Variants in F9 observed in about 807,000 individuals in gnomAD.
F9 encodes coagulation factor IX, also known as Christmas factor.
Under a neutral mutation model 34.1 loss-of-function variants are expected in F9, and 2 were observed. The observed-to-expected ratio is 0.06, with a 90% CI of 0.02 to 0.18. The LOEUF is 0.18. Among genes scored for constraint, F9 ranks in the 10% least tolerant of loss-of-function variants. F9 has a pLI of 1.00. For synonymous variants in F9, 137 were observed against 118.8 expected (o/e 1.15, Z -1.00); for missense variants, 216 against 345.1 (o/e 0.63, Z 2.96).
chrX:139,537,769 C>T lies in F9; in HGVS notation c.277+383C>T, dbSNP rs764109060. ...TCATTATCATGGCCCACAAGCCCTT[C>T]CATGATTGTCCTTCCCCACCCTCCC... On this transcript the variant is annotated intron_variant, in intron 3 of 7. Transcript: ENST00000218099. 1.1e-4 allele frequency among the ~76,000 whole-genome samples: 12 copies of T among 111,484 alleles called. No homozygotes were observed. In the East Asian group the frequency reaches 3.4e-3, roughly 32 times the overall value.
chrX:139,551,682 G>A (rs1927847296), intron 6 of F9, among the ~76,000 whole-genome samples: 1 of 111,017 alleles, frequency 9.0e-6, no homozygotes, highest in South Asian at 3.9e-4. Context: ...AAGGAGGAAG[G>A]ATTAAGGCAA....
chrX:139,537,425 CAT>C, intron 3 of F9, 39 bp downstream of exon 3: 1 of 1,087,346 alleles, frequency 9.2e-7, no homozygotes, highest in African/African-American at 1.8e-5. Context: ...ATATATGAAA[CAT>C]ATGAGAATTA....
intron 4 of F9, among the ~76,000 whole-genome samples, chrX:139,541,812 G>A (rs778728020): frequency 7.1e-5 from 8 of 111,918 alleles, no homozygotes; most frequent in Non-Finnish European, 1.5e-4. Context: ...ATGTTACATA[G>A]CAACCTTAGA....
intron 3 of F9, among the ~76,000 whole-genome samples, chrX:139,538,373 A>ATTTTGAGG (rs1927531298): frequency 8.9e-6 from 1 of 112,019 alleles, no homozygotes; most frequent in African/African-American, 3.2e-5. Context: ...ATTTTGAGGG[A>ATTTTGAGG]GGGTAAGTTT....
chrX:139,543,131 T>C (rs1486775164), intron 4 of F9, among the ~76,000 whole-genome samples: 1 of 109,707 alleles, frequency 9.1e-6, no homozygotes, highest in Non-Finnish European at 1.9e-5. Flanking sequence ...CCCAAGTCTT[T>C]TGTCTTATAA....
chrX:139,550,479 A>G (rs1927814618), intron 5 of F9, among the ~76,000 whole-genome samples: 1 of 112,164 alleles, frequency 8.9e-6, no homozygotes, highest in Admixed American at 9.5e-5. Context: ...AATGGTGGGC[A>G]GGTCCTGGTG....
At chrX:139,539,191 C>A (rs183956859) in intron 3 of F9, among the ~76,000 whole-genome samples, 8 of 111,829 alleles carry the variant, frequency 7.2e-5, no homozygotes, top group African/African-American at 2.6e-4. Flanking sequence ...TACAAAAGGC[C>A]TATCACATTT....
At chrX:139,558,592 T>G in intron 6 of F9, among the ~76,000 whole-genome samples, 1 of 112,778 alleles carries the variant, frequency 8.9e-6, no homozygotes, top group Non-Finnish European at 1.9e-5. Context: ...AGTTTTGTAT[T>G]TTAGTATCTT....
intron 1 of F9, among the ~76,000 whole-genome samples, chrX:139,532,850 G>A (rs1927375041): frequency 8.9e-6 from 1 of 111,979 alleles, no homozygotes; most frequent in Admixed American, 9.5e-5. Flanking sequence ...TATGGACTAT[G>A]ACAAGTGAGA....
At chrX:139,550,822 G>A (rs368093574) in intron 5 of F9, among the ~76,000 whole-genome samples, 9 of 111,665 alleles carry the variant, frequency 8.1e-5, no homozygotes, top group Admixed American at 9.5e-5. Flanking sequence ...TTCTATTTCC[G>A]TAAAGATGAT....
chrX:139,541,798 A>G (rs398101), intron 4 of F9, among the ~76,000 whole-genome samples: 23,984 of 111,507 alleles, frequency 0.22, 2,358 homozygotes, highest in Non-Finnish European at 0.31. Flanking sequence ...TGATTACATC[A>G]AAAATGTTAC....
chrX:139,534,445 C>G (rs1230652266), intron 1 of F9, among the ~76,000 whole-genome samples: 1 of 112,063 alleles, frequency 8.9e-6, no homozygotes, highest in South Asian at 3.7e-4. Context: ...CACTCAACCA[C>G]ACTGTACAGT....
At chrX:139,557,715 T>C (rs1050235458) in intron 6 of F9, among the ~76,000 whole-genome samples, 1 of 112,897 alleles carries the variant, frequency 8.9e-6, no homozygotes, top group Admixed American at 9.3e-5. Context: ...TATATAACAG[T>C]GTTGGCCAAG....
chrX:139,533,763 C>T (rs1484708352), intron 1 of F9, among the ~76,000 whole-genome samples: 8 of 111,265 alleles, frequency 7.2e-5, no homozygotes, highest in Admixed American at 1.9e-4. Flanking sequence ...TTGTATGCCC[C>T]GAGAAGTGAG....
In F9 at chrX:139,561,715, A is replaced by G; in HGVS notation, c.1030A>G (p.Ile344Val). ...CATTGCTGACAAGGAATACACGAACATCTTCCTCAAATTTGGATCTGGCTA... is the reference window on the plus strand; with the variant it reads ...CATTGCTGACAAGGAATACACGAACGTCTTCCTCAAATTTGGATCTGGCTA... The part of the protein sequence containing the change: ...ICIADKEYTN[I>V]FLKFGSGYVS... The change falls in exon 8 of 8, where the codon ATC (isoleucine) becomes GTC (valine). Residue 344 changes from isoleucine (I) to valine (V), a missense_variant. Physicochemically the swap from Ile to Val is conservative, Grantham distance 29. Transcript: ENST00000218099. 2 of 1,211,900 alleles carry G rather than the reference A, an allele frequency of 1.7e-6. No homozygotes were observed. The highest frequency in any genetic ancestry group is 2.2e-6 in the Non-Finnish European group (2 of 895,500).
chrX:139,533,623 G>A (rs1927392678), intron 1 of F9, among the ~76,000 whole-genome samples: 1 of 112,217 alleles, frequency 8.9e-6, no homozygotes, highest in Non-Finnish European at 1.9e-5. Flanking sequence ...GGCATCTGGA[G>A]AGTGAGCATG....
chrX:139,534,725 C>T (rs1045141203), intron 1 of F9, among the ~76,000 whole-genome samples: 1 of 111,801 alleles, frequency 8.9e-6, no homozygotes, highest in African/African-American at 3.2e-5. Context: ...GAGACTTGAG[C>T]ATCCACAGAT....
intron 4 of F9, 45 bp from the exon 5 acceptor site, chrX:139,548,318 A>G: frequency 8.4e-7 from 1 of 1,190,878 alleles, no homozygotes; most frequent in Non-Finnish European, 1.1e-6. Flanking sequence ...CTTTTTAGAA[A>G]TGCATGTTAA....
Position 139,531,355 on chromosome X carries a change from T to A in F9, c.88+503T>A, listed in dbSNP as rs370925575. Among the ~76,000 whole-genome samples the A allele has an allele frequency of 4.5e-5, 5 of 112,306 alleles. No individual in the cohort carries two copies. The East Asian group carries it at 1.4e-3, about 31-fold the overall frequency. On this transcript the variant is annotated intron_variant, in intron 1 of 7. Coordinates refer to ENST00000218099, the MANE Select transcript of F9 (RefSeq NM_000133.4). ...GTAATGAGGTGTGTCTCTAATTTTT[T>A]AAATTATATATCTTCAATTTAAAGT...
Sources: gnomAD v4.1 joint callset for allele counts (sites outside exome capture counted in the v4.1 genomes callset) on GRCh38, gnomAD v4.1.1 for gene constraint, MANE v1.5 for transcripts, NCBI Gene and HGNC (gene_info 2026-07-23, HGNC 2026-07-21) for gene names.